Variants in DYNLT2 observed in about 807,000 individuals in gnomAD.
DYNLT2 encodes the protein dynein light chain Tctex-type 2, also known as dynein light chain Tctex-type protein 2.
In DYNLT2, 24 loss-of-function variants were observed where a neutral mutation model predicts 24.3. That is an observed-to-expected ratio of 0.99 (90% CI 0.71 to 1.39). DYNLT2 has a LOEUF of 1.39. DYNLT2 is among the 40% of genes most tolerant of loss of function. The pLI is 0.00. For synonymous variants in DYNLT2, 85 were observed against 85.4 expected (o/e 1.00, Z 0.03); for missense variants, 246 against 234.5 (o/e 1.05, Z -0.32).
At chr6:169,749,561 AG>A (rs1789895992) in intron 1 of DYNLT2, 1 of 152,260 alleles carries the variant, frequency 6.6e-6, no homozygotes, top group Admixed American at 6.5e-5. Context: ...ATAACAGCAG[AG>A]AAGGCTGATG....
At chr6:169,739,788 A>G (rs1585316378), downstream of DYNLT2, among the ~76,000 whole-genome samples, 1 of 152,316 alleles carries the variant, frequency 6.6e-6, no homozygotes, top group East Asian at 1.9e-4. Context: ...ATCATTAGAA[A>G]TTTCCAAAAT....
chr6:169,731,544 A>G, the DYNLT2 span, among the ~76,000 whole-genome samples: 13 of 152,310 alleles, frequency 8.5e-5, no homozygotes, highest in African/African-American at 3.1e-4. Flanking sequence ...CCAATACAAA[A>G]GAAGTTCAGT....
chr6:169,729,280 G>A, the DYNLT2 span, among the ~76,000 whole-genome samples: 2 of 152,216 alleles, frequency 1.3e-5, no homozygotes, highest in African/African-American at 4.8e-5. Flanking sequence ...TTTCTCTATG[G>A]CTTCTATGGT....
At chr6:169,736,299 G>T (rs923629416), downstream of DYNLT2, among the ~76,000 whole-genome samples, 3 of 152,030 alleles carry the variant, frequency 2.0e-5, no homozygotes, top group African/African-American at 7.2e-5. Context: ...TTAATTGGTG[G>T]CATTCAGCCC....
In DYNLT2 at chr6:169,744,184, C is replaced by T; in HGVS notation, c.211G>A (p.Gly71Ser). 1.9e-6 allele frequency: 3 copies of T among 1,613,568 alleles called. No homozygotes were observed. The highest frequency in any genetic ancestry group is 2.5e-6 in the Non-Finnish European group (3 of 1,179,990). ...PPFDDSIADI[G>S]KEWKSALAKL... is the part of the protein sequence containing the mutation. ...GCCAGGGCACTCTTCCATTCTTTAC[C>T]TATATCAGCAATTGAGTCATCAAAA... Residue 71 changes from glycine (G) to serine (S), a missense_variant, in exon 2 of 4, where the codon GGT (glycine) becomes AGT (serine). Physicochemically the swap from Gly to Ser is moderately conservative, Grantham distance 56. Coordinates refer to ENST00000366774, the MANE Select transcript of DYNLT2 (RefSeq NM_174910.3).
chr6:169,748,401 A>C (rs993349599), intron 1 of DYNLT2, among the ~76,000 whole-genome samples: 8 of 106,136 alleles, frequency 7.5e-5, no homozygotes, highest in African/African-American at 4.9e-4. Flanking sequence ...CCTATTTCTC[A>C]TCTCTTGGAA....
chr6:169,739,996 A>G (rs937135726), downstream of DYNLT2: 1 of 531,990 alleles, frequency 1.9e-6, no homozygotes, highest in Admixed American at 3.4e-5. Flanking sequence ...ATATTATGTT[A>G]GTTAATATAA....
At chr6:169,738,228 G>A (rs114897305), downstream of DYNLT2, among the ~76,000 whole-genome samples, 1 of 152,336 alleles carries the variant, frequency 6.6e-6, no homozygotes, top group African/African-American at 2.4e-5. Flanking sequence ...GGCTTAGCAT[G>A]TTAGGCAGTT....
chr6:169,746,867 TG>T (rs1292926768), intron 1 of DYNLT2, among the ~76,000 whole-genome samples: 67 of 151,632 alleles, frequency 4.4e-4, no homozygotes, highest in African/African-American at 1.6e-3. Context: ...CTGAGTTTTT[TG>T]TTTTTTTCCC....
chr6:169,729,281 C>G, the DYNLT2 span, among the ~76,000 whole-genome samples: 1 of 152,182 alleles, frequency 6.6e-6, no homozygotes, highest in African/African-American at 2.4e-5. Context: ...TTCTCTATGG[C>G]TTCTATGGTG....
At chr6:169,737,133 G>A (rs1789578952), downstream of DYNLT2, among the ~76,000 whole-genome samples, 1 of 152,010 alleles carries the variant, frequency 6.6e-6, no homozygotes, top group African/African-American at 2.4e-5. Context: ...TATGCTTCAC[G>A]AAGTTCTCAT....
intron 1 of DYNLT2, among the ~76,000 whole-genome samples, chr6:169,747,499 TC>T (rs959474846): frequency 3.3e-5 from 5 of 152,004 alleles, no homozygotes; most frequent in East Asian, 3.9e-4. Flanking sequence ...TTTTTCAGCA[TC>T]CCCCCCAATT....
chr6:169,740,199 G>A lies in DYNLT2; in HGVS notation c.583C>T (p.Leu195Phe). ...SYVALVLVFA[L>F]YYE ...CCTGTAATGAGCTATTCATAATAAA[G>A]GGCAAACACCAAGACCAGTGCCACG... The change falls in exon 4 of 4, where the codon CTT becomes TTT. Residue 195 changes from leucine to phenylalanine, a missense_variant. Leu to Phe is a conservative substitution (Grantham distance 22). Coordinates refer to ENST00000366774, the MANE Select transcript of DYNLT2 (RefSeq NM_174910.3). The A allele has an allele frequency of 6.2e-7, 1 of 1,612,544 alleles. No individual in the cohort carries two copies. Among genetic ancestry groups the A allele is most frequent in the South Asian group, 1.1e-5 (1 of 91,000 alleles).
At chr6:169,727,286 AAG>A in the DYNLT2 span, among the ~76,000 whole-genome samples, 1 of 152,204 alleles carries the variant, frequency 6.6e-6, no homozygotes, top group African/African-American at 2.4e-5. Context: ...GTAATGGAGA[AAG>A]AGAGTATCTG....
intron 1 of DYNLT2, chr6:169,750,973 T>A (rs1790011161): frequency 5.9e-6 from 1 of 170,104 alleles, no homozygotes; most frequent in Admixed American, 6.2e-5. Context: ...AAACTGCTTA[T>A]AATGGCACTA....
the DYNLT2 span, among the ~76,000 whole-genome samples, chr6:169,731,927 A>G: frequency 6.6e-6 from 1 of 152,170 alleles, no homozygotes; most frequent in Non-Finnish European, 1.5e-5. Flanking sequence ...TCACATGCAA[A>G]CCTTAGGAAA....
At chr6:169,733,694 T>C in the DYNLT2 span, among the ~76,000 whole-genome samples, 4 of 152,244 alleles carry the variant, frequency 2.6e-5, no homozygotes, top group East Asian at 1.9e-4. Flanking sequence ...TGTAGCCTTG[T>C]AGTATAGTTT....
chr6:169,748,954 G>A (rs1789876729), intron 1 of DYNLT2, among the ~76,000 whole-genome samples: 1 of 152,108 alleles, frequency 6.6e-6, no homozygotes, highest in African/African-American at 2.4e-5. Context: ...CTTTAAATAT[G>A]ATCAACTTTT....
the DYNLT2 span, among the ~76,000 whole-genome samples, chr6:169,729,754 G>A: frequency 8.5e-5 from 13 of 152,132 alleles, no homozygotes; most frequent in Non-Finnish European, 1.5e-4. Flanking sequence ...AAAAGAAGAA[G>A]AGATACAAGA....
Sources: allele counts gnomAD v4.1 joint callset (sites outside exome capture counted in the v4.1 genomes callset), GRCh38; gene constraint gnomAD v4.1.1; transcripts MANE v1.5; gene names NCBI Gene and HGNC (gene_info 2026-07-23, HGNC 2026-07-21).